NAV3: variants seen among roughly 807,000 people sequenced by gnomAD.
NAV3 encodes the protein pore membrane and/or filament interacting like protein 1.
NAV3 carries 87 observed loss-of-function variants against 244.7 expected under a neutral mutation model. The ratio of observed to expected loss-of-function variants is 0.36; its 90% confidence interval spans 0.30 to 0.42. The LOEUF (loss-of-function observed/expected upper bound fraction) is 0.42, where lower values mean the gene tolerates loss of function less well. Among genes scored for constraint, NAV3 ranks in the 20% least tolerant of loss-of-function variants. The probability of loss-of-function intolerance (pLI) is 1.00; values close to 1 mark genes in which losing one functional copy is unlikely to be tolerated. For synonymous variants in NAV3, 1,126 were observed against 1,042.2 expected (o/e 1.08, Z -1.55); for missense variants, 2,663 against 2,893.3 (o/e 0.92, Z 1.83).
chr12:77,837,116 T>A (rs1874780815), intron 1 of NAV3, among the ~76,000 whole-genome samples: 1 of 152,064 alleles, frequency 6.6e-6, no homozygotes, highest in Non-Finnish European at 1.5e-5. Flanking sequence ...TGAGAGAAAT[T>A]GTATATGAAT....
At chr12:77,839,485 C>T (rs1280222560) in intron 1 of NAV3, among the ~76,000 whole-genome samples, 2 of 152,128 alleles carry the variant, frequency 1.3e-5, no homozygotes, top group Non-Finnish European at 2.9e-5. Flanking sequence ...AGCAAAATGA[C>T]TTTGGCAAGG....
chr12:78,104,755 CCA>C (rs1184548496), intron 12 of NAV3, among the ~76,000 whole-genome samples: 3 of 152,138 alleles, frequency 2.0e-5, no homozygotes, highest in Non-Finnish European at 1.5e-5. Context: ...GCAACTGCTA[CCA>C]CAGTCTTCCT....
intron 12 of NAV3, among the ~76,000 whole-genome samples, chr12:78,105,731 G>A (rs1008419205): frequency 1.3e-5 from 2 of 151,610 alleles, no homozygotes; most frequent in Admixed American, 1.3e-4. Context: ...AAAACAAAAG[G>A]TTTCTTCATC....
chr12:78,047,067 T>C (rs1315284469), intron 9 of NAV3, among the ~76,000 whole-genome samples: 1 of 152,232 alleles, frequency 6.6e-6, no homozygotes, highest in Non-Finnish European at 1.5e-5. Flanking sequence ...TGCTTTTATT[T>C]GCTTTCCATT....
chr12:77,748,469 G>T (rs1237454238), intron 2 of NAV3, among the ~76,000 whole-genome samples: 2 of 152,112 alleles, frequency 1.3e-5, no homozygotes, highest in African/African-American at 4.8e-5. Context: ...ATGAATGCTG[G>T]CAAGACATGA....
chr12:77,667,636 A>G (rs1241764247), intron 2 of NAV3, among the ~76,000 whole-genome samples: 1 of 152,054 alleles, frequency 6.6e-6, no homozygotes, highest in East Asian at 1.9e-4. Flanking sequence ...AGACATACCC[A>G]TCCCTGCCCC....
chr12:78,014,880 A>G (rs936946962), intron 8 of NAV3, among the ~76,000 whole-genome samples: 4 of 152,110 alleles, frequency 2.6e-5, no homozygotes, highest in Non-Finnish European at 5.9e-5. Context: ...GACTATCAGT[A>G]AAAACTAAAG....
intron 2 of NAV3, among the ~76,000 whole-genome samples, chr12:77,628,391 A>C (rs1871732687): frequency 6.6e-6 from 1 of 152,212 alleles, no homozygotes; most frequent in African/African-American, 2.4e-5. Flanking sequence ...GAGTAACTGG[A>C]AATAAGGTAT....
intron 2 of NAV3, among the ~76,000 whole-genome samples, chr12:77,600,976 C>T (rs1186972488): frequency 6.6e-6 from 1 of 151,894 alleles, no homozygotes; most frequent in Non-Finnish European, 1.5e-5. Context: ...AAAGAAGATA[C>T]AAATTATCAG....
intron 2 of NAV3, among the ~76,000 whole-genome samples, chr12:77,773,992 T>A (rs1249430545): frequency 6.6e-6 from 1 of 152,198 alleles, no homozygotes; most frequent in Non-Finnish European, 1.5e-5. Flanking sequence ...ATTATTTTTT[T>A]ATACTGACCT....
chr12:78,010,725 T>C (rs751017700), intron 8 of NAV3: 1 of 152,026 alleles, frequency 6.6e-6, no homozygotes, highest in African/African-American at 2.4e-5. Flanking sequence ...TGTTAATTAG[T>C]ATAAATTATA....
intron 5 of NAV3, among the ~76,000 whole-genome samples, chr12:77,983,340 T>G (rs79217309): frequency 0.033 from 4,993 of 152,278 alleles, 120 homozygotes; most frequent in Admixed American, 0.065. Context: ...ACAATGAATT[T>G]GGTGACTGAT....
chr12:77,737,144 C>G (rs1279796859), intron 2 of NAV3, among the ~76,000 whole-genome samples: 1 of 150,264 alleles, frequency 6.7e-6, no homozygotes. Context: ...AAAAAAAAAT[C>G]TATTAAAGTT....
intron 5 of NAV3, among the ~76,000 whole-genome samples, chr12:77,986,752 T>C (rs982232021): frequency 2.6e-5 from 4 of 152,200 alleles, no homozygotes; most frequent in Non-Finnish European, 5.9e-5. Flanking sequence ...TAGCTGTGTA[T>C]TGATGAAGGC....
intron 1 of NAV3, among the ~76,000 whole-genome samples, chr12:77,832,368 T>C (rs181671554): frequency 6.6e-6 from 1 of 152,362 alleles, no homozygotes; most frequent in East Asian, 1.9e-4. Context: ...CTACAACCGT[T>C]TTCTCCAGTC....
chr12:78,160,175 G>A (rs1957467261), intron 23 of NAV3, among the ~76,000 whole-genome samples: 1 of 152,050 alleles, frequency 6.6e-6, no homozygotes, highest in African/African-American at 2.4e-5. Flanking sequence ...AGGATTTTAT[G>A]GTATGAAAGA....
At chr12:77,961,108 A>G (rs1309703216) in intron 3 of NAV3, among the ~76,000 whole-genome samples, 1 of 146,058 alleles carries the variant, frequency 6.8e-6, no homozygotes, top group Admixed American at 6.9e-5. Flanking sequence ...ATACGCATAT[A>G]TGTAATATAA....
At chr12:78,070,758 T>C (rs1462558982) in intron 12 of NAV3, among the ~76,000 whole-genome samples, 9 of 143,374 alleles carry the variant, frequency 6.3e-5, no homozygotes, top group African/African-American at 2.1e-4. Context: ...TGTGTCCATG[T>C]GATCTCACTG....
intron 7 of NAV3, 37 bp downstream of exon 7, chr12:77,998,513 C>T: frequency 1.3e-6 from 2 of 1,564,384 alleles, no homozygotes; most frequent in Non-Finnish European, 1.7e-6. Flanking sequence ...ACAAGTCCAA[C>T]ATGAGTCTTG....
Sources: allele counts gnomAD v4.1 joint callset (sites outside exome capture counted in the v4.1 genomes callset), GRCh38; gene constraint gnomAD v4.1.1; transcripts MANE v1.5; gene names NCBI Gene and HGNC (gene_info 2026-07-23, HGNC 2026-07-21).